Variants in TPTE observed in about 807,000 individuals in gnomAD.
TPTE encodes transmembrane phosphatase with tensin homology.
A neutral mutation model predicts 84.1 loss-of-function variants in TPTE; 59 were observed. That is an observed-to-expected ratio of 0.70 (90% CI 0.57 to 0.87). TPTE has a LOEUF of 0.87. Ranked by LOEUF, TPTE falls within the 40% of genes least tolerant of loss-of-function variation. The probability of loss-of-function intolerance (pLI) is 0.00; values close to 1 mark genes in which losing one functional copy is unlikely to be tolerated. For synonymous variants in TPTE, 130 were observed against 223.5 expected, an observed-to-expected ratio of 0.58 and a Z score of 3.73; for missense variants, 382 against 659.6, an observed-to-expected ratio of 0.58 and a Z score of 4.61.
At chr21:10,527,614 A>AT (rs1407159254) in intron 3 of TPTE, among the ~76,000 whole-genome samples, 2 of 152,310 alleles carry the variant, frequency 1.3e-5, no homozygotes, top group Non-Finnish European at 2.9e-5. Flanking sequence ...TTAGGAAACT[A>AT]TCAGAATGCC....
intron 4 of TPTE, among the ~76,000 whole-genome samples, chr21:10,539,453 G>C (rs1364183054): frequency 6.6e-6 from 1 of 152,308 alleles, no homozygotes; most frequent in Non-Finnish European, 1.5e-5. Flanking sequence ...GAGAGATCCA[G>C]GAAGTGGGCC....
intron 10 of TPTE, among the ~76,000 whole-genome samples, chr21:10,563,088 GGA>G (rs1423036921): frequency 1.3e-5 from 2 of 152,426 alleles, no homozygotes; most frequent in East Asian, 3.8e-4. Flanking sequence ...TTTCAGGCCA[GGA>G]GAGAGTGGCA....
At chr21:10,524,076 G>C (rs1227185770) in intron 1 of TPTE, among the ~76,000 whole-genome samples, 5 of 152,422 alleles carry the variant, frequency 3.3e-5, no homozygotes, top group African/African-American at 1.2e-4. Flanking sequence ...AAGAGCGCTA[G>C]GATTCTGTTT....
At position 10,596,177 on chromosome 21, in the gene TPTE, G is replaced by T. The variant is rs547317094; in HGVS notation, c.1276+90G>T. The T allele has an allele frequency of 1.5e-5, 23 of 1,520,992 alleles. No homozygotes were observed. In the African/African-American group the frequency reaches 2.6e-4, roughly 17 times the overall value. The allele number at this position is 1,520,992 out of a possible 1,614,324, so 94.2% of individuals were successfully genotyped here. ...TTTGCTCATAGTTGTATATACAGAT[G>T]ATCCTAACTCATACTTGTCTTTTTA... On this transcript the variant is annotated intron_variant, in intron 20 of 23. Coordinates refer to ENST00000618007, the MANE Select transcript of TPTE (RefSeq NM_199261.4).
intron 7 of TPTE, among the ~76,000 whole-genome samples, chr21:10,547,269 G>A (rs2879314): frequency 5.3e-5 from 8 of 152,304 alleles, no homozygotes; most frequent in Admixed American, 5.2e-4. Flanking sequence ...TTTGATTAGA[G>A]TATCAAAGGG....
At position 10,546,848 on chromosome 21, in the gene TPTE, A is replaced by G. The variant is rs554164879; in HGVS notation, c.173+3466A>G. On this transcript the variant is annotated intron_variant, in intron 7 of 23. Coordinates refer to ENST00000618007, the MANE Select transcript of TPTE (RefSeq NM_199261.4). ...TTTGTTCATGAGGTTTAAGGAAAGA[A>G]GCCATCTCCATCACATAAAAGTGCA... Among the ~76,000 whole-genome samples, 5 of 152,426 alleles carry G rather than the reference A, an allele frequency of 3.3e-5. No individual in the cohort carries two copies. The East Asian group carries it at 9.6e-4, about 29-fold the overall frequency.
chr21:10,589,517 T>C (rs1460719502), intron 17 of TPTE, among the ~76,000 whole-genome samples: 1 of 152,308 alleles, frequency 6.6e-6, no homozygotes, highest in African/African-American at 2.4e-5. Context: ...TGCAGCCAGA[T>C]AGGGAAGATT....
At chr21:10,523,483 A>G (rs2074022902) in intron 1 of TPTE, among the ~76,000 whole-genome samples, 2 of 131,220 alleles carry the variant, frequency 1.5e-5, no homozygotes, top group South Asian at 2.3e-4. Flanking sequence ...CCAGAGTGTG[A>G]TGTTCCCCTT....
At chr21:10,559,872 T>TAAAAAAAAAAAAAAAA (rs61583687) in intron 9 of TPTE, among the ~76,000 whole-genome samples, 3 of 117,112 alleles carry the variant, frequency 2.6e-5, no homozygotes, top group African/African-American at 3.0e-5. Context: ...AGACTCCATG[T>TAAAAAAAAAAAAAAAA]AAAAAAAAAA....
intron 17 of TPTE, among the ~76,000 whole-genome samples, chr21:10,588,989 G>T (rs1353340033): frequency 1.1e-4 from 16 of 152,290 alleles, no homozygotes; most frequent in African/African-American, 3.9e-4. Flanking sequence ...ATTGTTTATT[G>T]TCATCTCTGA....
intron 10 of TPTE, among the ~76,000 whole-genome samples, chr21:10,564,366 T>G (rs2074872411): frequency 6.6e-6 from 1 of 152,210 alleles, no homozygotes; most frequent in Non-Finnish European, 1.5e-5. Context: ...AAAAATTAGC[T>G]GGGTGTGGTG....
chr21:10,553,592 C>A (rs1364869067), intron 8 of TPTE, among the ~76,000 whole-genome samples: 1 of 152,308 alleles, frequency 6.6e-6, no homozygotes, highest in Non-Finnish European at 1.5e-5. Flanking sequence ...CCACTCCAAA[C>A]AAAATAAAGC....
rs2075600036 is a variant in TPTE, at chr21:10,596,969, AT to A, written c.1276+883del. Among the ~76,000 whole-genome samples, 3 of 152,424 alleles carry A rather than the reference AT, an allele frequency of 2.0e-5. No individual in the cohort carries two copies. The South Asian group carries it at 6.2e-4, about 32-fold the overall frequency. On this transcript the variant is annotated intron_variant, in intron 20 of 23. Coordinates refer to ENST00000618007, the MANE Select transcript of TPTE (RefSeq NM_199261.4). ...ATGGTGTTAGTGAAAACAAAATTAAATGAAAACAAACAGCATATGAGATGAA... is the reference window on the plus strand; with the variant it reads ...ATGGTGTTAGTGAAAACAAAATTAAAGAAAACAAACAGCATATGAGATGAA...
rs534968373 is a variant in TPTE at position 10,524,072 on chromosome 21, G to A, written c.-210-508G>A. Reference sequence around the variant, plus strand: ...CCCATTCTACAAGAATCACAAGAGCGCTAGGATTCTGTTTGGGGTTGCCGT... The same window carrying A: ...CCCATTCTACAAGAATCACAAGAGCACTAGGATTCTGTTTGGGGTTGCCGT... On this transcript the variant is annotated intron_variant, in intron 1 of 23. Coordinates refer to ENST00000618007, the MANE Select transcript of TPTE (RefSeq NM_199261.4). 1.1e-4 allele frequency among the ~76,000 whole-genome samples: 17 copies of A among 152,422 alleles called. No homozygotes were observed. In the East Asian group the frequency reaches 2.5e-3, roughly 22 times the overall value.
intron 3 of TPTE, among the ~76,000 whole-genome samples, chr21:10,527,955 G>C (rs533678935): frequency 1.9e-3 from 292 of 152,272 alleles, no homozygotes; most frequent in African/African-American, 6.8e-3. Flanking sequence ...CTACAAATGG[G>C]ACATGAATTT....
intron 21 of TPTE, among the ~76,000 whole-genome samples, chr21:10,600,161 C>T (rs796660633): frequency 2.8e-3 from 333 of 119,240 alleles, no homozygotes; most frequent in African/African-American, 7.2e-3. Flanking sequence ...TTTTTTGAGA[C>T]GGAGTTTTGC....
At chr21:10,560,300 C>T (rs1409690130) in intron 9 of TPTE, among the ~76,000 whole-genome samples, 1 of 152,306 alleles carries the variant, frequency 6.6e-6, no homozygotes, top group Non-Finnish European at 1.5e-5. Context: ...AGATTTCATA[C>T]TATGATATAG....
At chr21:10,584,247 T>C (rs1156870191) in intron 17 of TPTE, among the ~76,000 whole-genome samples, 1 of 152,312 alleles carries the variant, frequency 6.6e-6, no homozygotes, top group Non-Finnish European at 1.5e-5. Flanking sequence ...GATATCCCTT[T>C]AAAATGTTTA....
rs926220844 is a variant in TPTE, at chr21:10,556,753, A to G, written c.234-2741A>G. On this transcript the variant is annotated intron_variant, in intron 8 of 23. Transcript: ENST00000618007. ...ACCATTCTAACTGGTGTGAGATGGT[A>G]TGTCATTGTGGTTTTGATTTGCATT... Among the ~76,000 whole-genome samples the G allele has an allele frequency of 2.1e-4, 32 of 152,308 alleles. No individual in the cohort carries two copies. In the East Asian group the frequency reaches 5.2e-3, roughly 25 times the overall value.
Sources: allele counts gnomAD v4.1 joint callset (sites outside exome capture counted in the v4.1 genomes callset), GRCh38; gene constraint gnomAD v4.1.1; transcripts MANE v1.5; gene names NCBI Gene and HGNC (gene_info 2026-07-23, HGNC 2026-07-21).